The following SEC24D variants were observed in gnomAD, a reference collection of about 807,000 sequenced individuals.
The protein encoded by SEC24D is protein transport protein Sec24D.
In SEC24D, 69 loss-of-function variants were observed where a neutral mutation model predicts 116.9. The ratio of observed to expected loss-of-function variants is 0.59; its 90% CI spans 0.49 to 0.72. The LOEUF is 0.72. Ranked by LOEUF, SEC24D falls within the 30% of genes least tolerant of loss-of-function variation. The pLI, the probability that SEC24D is intolerant of heterozygous loss-of-function variation, is 0.00. For synonymous variants in SEC24D, 405 were observed against 442.8 expected, an observed-to-expected ratio of 0.91 and a Z score of 1.07; for missense variants, 1,131 against 1,264.1, an observed-to-expected ratio of 0.89 and a Z score of 1.60.
chr4:118,750,793 A>G (rs1167308022), intron 13 of SEC24D, among the ~76,000 whole-genome samples: 2 of 152,152 alleles, frequency 1.3e-5, no homozygotes, highest in Admixed American at 6.5e-5. Flanking sequence ...GTGAGCCTTA[A>G]TATCTTCAAG....
chr4:118,778,268 T>C (rs992746884), intron 8 of SEC24D, among the ~76,000 whole-genome samples: 3 of 152,236 alleles, frequency 2.0e-5, no homozygotes, highest in African/African-American at 7.2e-5. Flanking sequence ...TAATCCATCT[T>C]GTATTAATTT....
At chr4:118,770,157 C>T (rs185556768) in intron 8 of SEC24D, among the ~76,000 whole-genome samples, 3 of 152,114 alleles carry the variant, frequency 2.0e-5, no homozygotes, top group Non-Finnish European at 2.9e-5. Flanking sequence ...TTTTAAAACA[C>T]TCCAGGAACT....
intron 3 of SEC24D, among the ~76,000 whole-genome samples, chr4:118,821,442 A>G (rs1205639640): frequency 1.3e-5 from 2 of 152,234 alleles, no homozygotes; most frequent in African/African-American, 4.8e-5. Flanking sequence ...AGATAACTTT[A>G]GCACTGCTTG....
At chr4:118,734,212 CTT>C (rs1491565257) in intron 19 of SEC24D, among the ~76,000 whole-genome samples, 4 of 150,438 alleles carry the variant, frequency 2.7e-5, no homozygotes, top group Non-Finnish European at 4.4e-5. Flanking sequence ...AGCTTTCTCT[CTT>C]TTTTATTTTT....
chr4:118,809,663 T>C (rs930224959), intron 6 of SEC24D, among the ~76,000 whole-genome samples: 2 of 152,194 alleles, frequency 1.3e-5, no homozygotes, highest in African/African-American at 2.4e-5. Flanking sequence ...ATTCATTCAT[T>C]CATCCATTCA....
In SEC24D at chr4:118,744,108, G is replaced by A. The variant is rs753453250; in HGVS notation, c.1875C>T (p.Cys625=). Residue 625 remains cysteine, a synonymous_variant, in exon 15 of 23, where the codon TGC becomes TGT. Coordinates refer to ENST00000280551, the MANE Select transcript of SEC24D (RefSeq NM_014822.4). ...TNVYDSLAKD[C]VAHGCSVTLF... ...GTGTCACAGAGCAGCCGTGAGCCAC[G>A]CAGTCCTTGGCCAATGAGTCATAGA... The A allele has an allele frequency of 3.5e-5, 56 of 1,612,674 alleles. No individual in the cohort carries two copies. Among genetic ancestry groups the A allele is most frequent in the East Asian group, 1.1e-4 (5 of 44,790 alleles).
At chr4:118,728,938 T>C (rs1296686220) in intron 21 of SEC24D, 1 of 253,392 alleles carries the variant, frequency 3.9e-6, no homozygotes, top group Non-Finnish European at 7.5e-6. Context: ...CAGCCCTCTG[T>C]ATCCATGGGT....
intron 8 of SEC24D, among the ~76,000 whole-genome samples, chr4:118,786,992 T>C (rs1409756203): frequency 6.6e-6 from 1 of 152,238 alleles, no homozygotes; most frequent in Non-Finnish European, 1.5e-5. Flanking sequence ...ATTTAGCTTC[T>C]AAAATGTAAC....
chr4:118,775,523 A>C (rs1294685331), intron 8 of SEC24D, among the ~76,000 whole-genome samples: 1 of 152,094 alleles, frequency 6.6e-6, no homozygotes, highest in East Asian at 1.9e-4. Context: ...GCCAGCAGGC[A>C]AGTAGCCTTG....
At chr4:118,775,042 A>G (rs1728067622) in intron 8 of SEC24D, among the ~76,000 whole-genome samples, 1 of 152,180 alleles carries the variant, frequency 6.6e-6, no homozygotes, top group Non-Finnish European at 1.5e-5. Flanking sequence ...CATTTCATCC[A>G]CAAGGGAGAA....
At chr4:118,823,043 A>G (rs560084117) in intron 3 of SEC24D, among the ~76,000 whole-genome samples, 1 of 152,122 alleles carries the variant, frequency 6.6e-6, no homozygotes, top group East Asian at 1.9e-4. Context: ...ACAAGTGAAA[A>G]TGAGGACAGG....
intron 14 of SEC24D, among the ~76,000 whole-genome samples, chr4:118,744,396 T>C (rs1726391295): frequency 6.6e-6 from 1 of 152,220 alleles, no homozygotes; most frequent in Non-Finnish European, 1.5e-5. Context: ...TTTAATTTTA[T>C]TTGATACTCC....
chr4:118,800,323 G>A (rs190816333), intron 7 of SEC24D, among the ~76,000 whole-genome samples: 13 of 152,320 alleles, frequency 8.5e-5, no homozygotes, highest in East Asian at 1.9e-4. Flanking sequence ...CTTAAACAGC[G>A]ATTGTGGCGG....
At chr4:118,821,708 G>A (rs55726697) in intron 3 of SEC24D, among the ~76,000 whole-genome samples, 6,654 of 152,244 alleles carry the variant, frequency 0.044, 202 homozygotes, top group Non-Finnish European at 0.064. Flanking sequence ...CCACAAAGAA[G>A]AGTCATATGC....
chr4:118,723,747 T>G (rs1253296826), intron 22 of SEC24D, 92 bp from the exon 23 acceptor site: 1 of 1,343,960 alleles, frequency 7.4e-7, no homozygotes, highest in Non-Finnish European at 1.0e-6. Flanking sequence ...TTGGCAAACA[T>G]TATTGAATGC....
intron 3 of SEC24D, among the ~76,000 whole-genome samples, chr4:118,821,603 T>C (rs1242895407): frequency 6.6e-6 from 1 of 152,260 alleles, no homozygotes; most frequent in Non-Finnish European, 1.5e-5. Flanking sequence ...AGTAACTTAT[T>C]TATATCTTGT....
In SEC24D at chr4:118,780,852, T is replaced by G. The variant is rs539326372; in HGVS notation, c.1042-12541A>C. Among the ~76,000 whole-genome samples the G allele has an allele frequency of 3.3e-5, 5 of 152,214 alleles. No homozygotes were observed. The East Asian group carries it at 9.6e-4, about 29-fold the overall frequency. On this transcript the variant is annotated intron_variant, in intron 8 of 22. Coordinates refer to ENST00000280551, the MANE Select transcript of SEC24D (RefSeq NM_014822.4). Reference sequence around the variant, plus strand: ...CCATTATGCAATGGCCTTGTCCCTTTTGATCTTTGTTGTTTTAAAGTCTGT... The same window carrying G: ...CCATTATGCAATGGCCTTGTCCCTTGTGATCTTTGTTGTTTTAAAGTCTGT...
intron 8 of SEC24D, among the ~76,000 whole-genome samples, chr4:118,787,774 T>C (rs1187968627): frequency 1.3e-5 from 2 of 152,182 alleles, no homozygotes; most frequent in Non-Finnish European, 2.9e-5. Flanking sequence ...TACACCGTAC[T>C]CCAGCCTGGG....
intron 2 of SEC24D, among the ~76,000 whole-genome samples, chr4:118,832,035 T>G (rs574646487): frequency 2.2e-4 from 34 of 152,196 alleles, no homozygotes; most frequent in Non-Finnish European, 4.4e-4. Flanking sequence ...AAACCCCGTC[T>G]CTACTAAAAA....
Sources: gnomAD v4.1 joint callset for allele counts (sites outside exome capture counted in the v4.1 genomes callset) on GRCh38, gnomAD v4.1.1 for gene constraint, MANE v1.5 for transcripts, NCBI Gene and HGNC (gene_info 2026-07-23, HGNC 2026-07-21) for gene names.